EIF4E1B: variants seen among roughly 807,000 people sequenced by gnomAD.
EIF4E1B encodes the protein eukaryotic translation initiation factor 4E type 1B.
A neutral mutation model predicts 31.3 loss-of-function variants in EIF4E1B; 22 were observed. The observed-to-expected ratio is 0.70, with a 90% CI of 0.50 to 1.00. The LOEUF is 1.00. EIF4E1B is among the 50% of genes least tolerant of loss of function. EIF4E1B has a pLI of 0.00. For missense variants in EIF4E1B, 290 were observed against 311.6 expected, an observed-to-expected ratio of 0.93 and a Z score of 0.52; for synonymous variants, 126 against 120.2, an observed-to-expected ratio of 1.05 and a Z score of -0.31.
At chr5:176,642,870 C>CCCCCCCGGGGGGGGGGG in intron 3 of EIF4E1B, 68 bp downstream of exon 3, 1 of 1,426,054 alleles carries the variant, frequency 7.0e-7, no homozygotes. Flanking sequence ...CCCCCCGCCC[C>CCCCCCCGGGGGGGGGGG]AGGTGGGCGG....
chr5:176,645,120 TGCCTTGCA>T lies in EIF4E1B; in HGVS notation c.361-8_361-1del, dbSNP rs1188183434. 6.4e-7 allele frequency: 1 copy of T among 1,553,384 alleles called. No homozygotes were observed. The highest frequency in any genetic ancestry group is 2.0e-5 in the Admixed American group (1 of 51,178). On this transcript the variant is annotated splice_acceptor_variant and splice_polypyrimidine_tract_variant and intron_variant, in intron 6 of 8. Transcript: ENST00000318682. LOFTEE classifies it high-confidence loss of function. The surrounding 1 kb of genome is among the most constrained non-coding windows in gnomAD (Gnocchi z 5.4). ...ACAGGGAGGCAGTTGACTTGCCATC[TGCCTTGCA>T]GGATGGCATCCAGCCCATGTGGGAG...
At position 176,646,003 on chromosome 5, in the gene EIF4E1B, A is replaced by G. The variant is rs1040146907; in HGVS notation, c.*23A>G. On this transcript the variant is annotated 3_prime_UTR_variant, in exon 9 of 9. Transcript: ENST00000318682. Reference sequence around the variant, plus strand: ...TGAGGGGGGCCTTGGCACCCCTCCTATGTAATGGGACAGCCGCCACTGAGC... The same window carrying G: ...TGAGGGGGGCCTTGGCACCCCTCCTGTGTAATGGGACAGCCGCCACTGAGC... 18 of 1,567,508 alleles carry G rather than the reference A, an allele frequency of 1.1e-5. No homozygotes were observed. Among genetic ancestry groups the G allele is most frequent in the South Asian group, 1.2e-5 (1 of 86,204 alleles).
rs1760709606 is a variant in EIF4E1B at position 176,646,289 on chromosome 5, C to G, written c.*309C>G. 1.3e-5 allele frequency: 4 copies of G among 302,132 alleles called. No individual in the cohort carries two copies. In the East Asian group the frequency reaches 2.5e-4, roughly 19 times the overall value. 18.7% of individuals were successfully genotyped at this position (302,132 alleles called of 1,614,324 possible). A position where few individuals can be genotyped will look rare whatever the true frequency, so the allele number is the denominator to read the frequency against. ...TATGGTAGGCGGAGAAACCCATAGT[C>G]CAGCGTTTACTGTTTCCACCCAGGA... is the stretch of plus-strand genomic sequence containing the variant. On this transcript the variant is annotated 3_prime_UTR_variant, in exon 9 of 9. Coordinates refer to ENST00000318682, the MANE Select transcript of EIF4E1B (RefSeq NM_001099408.2).
At chr5:176,642,829 A>T (rs1415947140) in intron 3 of EIF4E1B, 27 bp downstream of exon 3, 1 of 1,375,628 alleles carries the variant, frequency 7.3e-7, no homozygotes, top group Admixed American at 2.2e-5. Context: ...CTCTACCCCC[A>T]GTGCACCATG....
intron 6 of EIF4E1B, 165 bp downstream of exon 6, chr5:176,644,604 CAGAGT>C: frequency 3.9e-6 from 3 of 761,598 alleles, no homozygotes; most frequent in Non-Finnish European, 6.1e-6. Context: ...GGAGCCCGGA[CAGAGT>C]AGGTCAGGCC....
intron 6 of EIF4E1B, 186 bp downstream of exon 6, chr5:176,644,625 C>T (rs1408651913): frequency 3.3e-5 from 21 of 632,046 alleles, no homozygotes; most frequent in Admixed American, 6.8e-5. Flanking sequence ...AGGCCCAAGC[C>T]GCACCTTGGA....
At chr5:176,635,403 A>G (rs1238732858) in intron 1 of EIF4E1B, among the ~76,000 whole-genome samples, 1 of 152,172 alleles carries the variant, frequency 6.6e-6, no homozygotes, top group South Asian at 2.1e-4. Context: ...GGAGAAAGTG[A>G]CATTCGAGCT....
In EIF4E1B at chr5:176,633,575, G is replaced by T. The variant is rs1760444648; in HGVS notation, c.-202+2511G>T. Among the ~76,000 whole-genome samples the T allele has an allele frequency of 3.3e-5, 5 of 152,132 alleles. No homozygotes were observed. In the South Asian group the frequency reaches 1.0e-3, roughly 31 times the overall value. ...TCCTCCCACCTCAGCCTACCAAAGT[G>T]CTGGGATTACAGGTATGAGCTATTG... On this transcript the variant is annotated intron_variant, in intron 1 of 8. Coordinates refer to ENST00000318682, the MANE Select transcript of EIF4E1B (RefSeq NM_001099408.2).
chr5:176,645,226 C>T lies in EIF4E1B; in HGVS notation c.457C>T (p.Arg153Trp), dbSNP rs762675292. The T allele has an allele frequency of 6.2e-5, 99 of 1,594,766 alleles. No homozygotes were observed. Among genetic ancestry groups the T allele is most frequent in the Non-Finnish European group, 7.8e-5 (91 of 1,170,996 alleles). The change falls in exon 7 of 9, where the codon CGG (arginine) becomes TGG (tryptophan). Residue 153 changes from arginine to tryptophan, a missense_variant. By Grantham distance (101) the Arg-to-Trp change is moderately radical. Coordinates refer to ENST00000318682, the MANE Select transcript of EIF4E1B (RefSeq NM_001099408.2). The surrounding 1 kb of genome is among the most constrained non-coding windows in gnomAD (Gnocchi z 5.4). The part of the protein sequence containing the change: ...AKQQRHIELD[R>W]LWLETLLCLI... Reference sequence around the variant, plus strand: ...GCAGCAGCGCCACATTGAGCTGGACCGGCTGTGGCTGGAGACGGTGAGTTG... The same window carrying T: ...GCAGCAGCGCCACATTGAGCTGGACTGGCTGTGGCTGGAGACGGTGAGTTG...
chr5:176,642,862 C>CA lies in EIF4E1B; in HGVS notation c.15+60_15+61insA, dbSNP rs5873545. The CA allele has an allele frequency of 2.8e-4, 365 of 1,286,898 alleles. 9 individuals are homozygous for CA. In the African/African-American group the frequency reaches 3.5e-3, roughly 12 times the overall value. 79.7% of individuals were successfully genotyped at this position (1,286,898 alleles called of 1,614,324 possible). A position where few individuals can be genotyped will look rare whatever the true frequency, so the allele number is the denominator to read the frequency against. On this transcript the variant is annotated intron_variant, in intron 3 of 8. Coordinates refer to ENST00000318682, the MANE Select transcript of EIF4E1B (RefSeq NM_001099408.2). ...ATGGCCCCGCCCTCTCCCCCCCCCC[C>CA]CCCGCCCCAGGTGGGCGGGGCAGGT...
At chr5:176,632,851 AT>A (rs1433397212) in intron 1 of EIF4E1B, among the ~76,000 whole-genome samples, 2 of 151,948 alleles carry the variant, frequency 1.3e-5, no homozygotes, top group Admixed American at 6.6e-5. Flanking sequence ...ATGCCAGATA[AT>A]TGCTTTCTCA....
Position 176,642,741 on chromosome 5 carries a change from C to G in EIF4E1B, c.-47C>G. The G allele has an allele frequency of 1.9e-6, 3 of 1,555,418 alleles. No individual in the cohort carries two copies. Among genetic ancestry groups the G allele is most frequent in the Non-Finnish European group, 2.6e-6 (3 of 1,149,406 alleles). On this transcript the variant is annotated 5_prime_UTR_variant, in exon 3 of 9. Transcript: ENST00000318682. Reference sequence around the variant, plus strand: ...GCCCCCATGGTGTGGGGCTTGGTCACAGCTGCTTCCCCAGCCCCAGGCCTG... The same window carrying G: ...GCCCCCATGGTGTGGGGCTTGGTCAGAGCTGCTTCCCCAGCCCCAGGCCTG...
rs966682476 is a variant in EIF4E1B at position 176,638,567 on chromosome 5, C to T, written c.-201-3476C>T. ...AGGGAAGGCCTCTTTGAGAAGGTGA[C>T]ATTTGAGCCAAGCCCAGAAGGACAA... is the stretch of plus-strand genomic sequence containing the variant. On this transcript the variant is annotated intron_variant, in intron 1 of 8. Coordinates refer to ENST00000318682, the MANE Select transcript of EIF4E1B (RefSeq NM_001099408.2). The surrounding 1 kb of genome is among the most constrained non-coding windows in gnomAD (Gnocchi z 4.3). Among the ~76,000 whole-genome samples the T allele has an allele frequency of 3.9e-5, 6 of 152,132 alleles. No individual in the cohort carries two copies. Among genetic ancestry groups the T allele is most frequent in the Non-Finnish European group, 7.3e-5 (5 of 68,030 alleles).
chr5:176,642,758 C>CA lies in EIF4E1B; in HGVS notation c.-30_-29insA. ...CTTGGTCACAGCTGCTTCCCCAGCC[C>CA]CAGGCCTGCACGAAGAAGGCACTCA... On this transcript the variant is annotated 5_prime_UTR_variant, in exon 3 of 9. An upstream open reading frame in the 5' UTR loses its in-frame stop. Coordinates refer to ENST00000318682, the MANE Select transcript of EIF4E1B (RefSeq NM_001099408.2). The CA allele has an allele frequency of 6.4e-7, 1 of 1,559,394 alleles. No homozygotes were observed. The highest frequency in any genetic ancestry group is 8.7e-7 in the Non-Finnish European group (1 of 1,151,796).
Position 176,646,272 on chromosome 5 carries a change from GCGGAGAAAC to G in EIF4E1B, c.*294_*302del. 2.8e-6 allele frequency: 1 copy of G among 356,272 alleles called. No homozygotes were observed. The highest frequency in any genetic ancestry group is 4.3e-5 in the South Asian group (1 of 23,306). The allele number at this position is 356,272 out of a possible 1,614,324, so 22.1% of individuals were successfully genotyped here. A position where few individuals can be genotyped will look rare whatever the true frequency, so the allele number is the denominator to read the frequency against. On this transcript the variant is annotated 3_prime_UTR_variant, in exon 9 of 9. Transcript: ENST00000318682. ...GCGGGGAAGGAGGGCTCTATGGTAG[GCGGAGAAAC>G]CCATAGTCCAGCGTTTACTGTTTCC...
chr5:176,643,251 A>AC lies in EIF4E1B; in HGVS notation c.189dup (p.Gln65AlafsTer12). On this transcript the variant is annotated frameshift_variant, in exon 4 of 9. Coordinates refer to ENST00000318682, the MANE Select transcript of EIF4E1B (RefSeq NM_001099408.2). LOFTEE classifies it high-confidence loss of function. ...CCCATGGAAGTCAAGCTGGAGCTGC[A>AC]CCCCTTGCAGAACAGGTAGGCAGGA... The AC allele has an allele frequency of 1.9e-6, 3 of 1,612,100 alleles. No homozygotes were observed. The highest frequency in any genetic ancestry group is 1.7e-6 in the Non-Finnish European group (2 of 1,179,826).
At chr5:176,633,972 G>A (rs1302906021) in intron 1 of EIF4E1B, among the ~76,000 whole-genome samples, 2 of 152,162 alleles carry the variant, frequency 1.3e-5, no homozygotes, top group African/African-American at 4.8e-5. Context: ...ACAGAAGCCC[G>A]GGTGACGCTG....
Position 176,646,630 on chromosome 5 carries a change from A to T in EIF4E1B, c.*650A>T, listed in dbSNP as rs2113452333. On this transcript the variant is annotated 3_prime_UTR_variant, in exon 9 of 9. Coordinates refer to ENST00000318682, the MANE Select transcript of EIF4E1B (RefSeq NM_001099408.2). ...ATCTTTCTGTTCCTGTTTTAAATAA[A>T]TACTTCTGAACAAAGTTGGAATTAT... 6.6e-6 allele frequency: 1 copy of T among 152,446 alleles called. No homozygotes were observed. Among genetic ancestry groups the T allele is most frequent in the African/African-American group, 2.4e-5 (1 of 41,594 alleles). The allele number at this position is 152,446 out of a possible 1,614,324, so 9.4% of individuals were successfully genotyped here.
intron 3 of EIF4E1B, 31 bp from the exon 4 acceptor site, chr5:176,643,051 C>T (rs1239101271): frequency 4.4e-6 from 7 of 1,581,434 alleles, no homozygotes; most frequent in Non-Finnish European, 2.6e-6. Flanking sequence ...CCAGAGCTCA[C>T]AACCCATCCT....
Sources: gnomAD v4.1 joint callset for allele counts (sites outside exome capture counted in the v4.1 genomes callset) on GRCh38, gnomAD v4.1.1 for gene constraint, Gnocchi (gnomAD v3.1) non-coding constraint, MANE v1.5 for transcripts, NCBI Gene and HGNC (gene_info 2026-07-23, HGNC 2026-07-21) for gene names.